GRID2: variants seen among roughly 807,000 people sequenced by gnomAD.
The protein encoded by GRID2 is glutamate ionotropic receptor delta type subunit 2, also known as glutamate receptor ionotropic, delta-2.
In GRID2, 33 loss-of-function variants were observed where a neutral mutation model predicts 114.8. The ratio of observed to expected loss-of-function variants is 0.29; its 90% CI spans 0.22 to 0.38. The LOEUF (loss-of-function observed/expected upper bound fraction) is 0.38. Ranked by LOEUF, GRID2 falls within the 10% of genes least tolerant of loss-of-function variation. The pLI is 1.00. For synonymous variants in GRID2, 505 were observed against 449.9 expected (o/e 1.12, Z -1.55); for missense variants, 1,184 against 1,257.7 (o/e 0.94, Z 0.89).
At chr4:93,264,549 C>A (rs913676143) in intron 8 of GRID2, among the ~76,000 whole-genome samples, 1 of 151,190 alleles carries the variant, frequency 6.6e-6, no homozygotes, top group African/African-American at 2.4e-5. Flanking sequence ...AGCACTTACA[C>A]GAAGACATGG....
chr4:93,767,574 G>T (rs561358426), intron 14 of GRID2, among the ~76,000 whole-genome samples: 20 of 152,290 alleles, frequency 1.3e-4, no homozygotes, highest in African/African-American at 4.8e-4. Flanking sequence ...CAGAGCTGAG[G>T]CTGTGGGAAC....
At chr4:92,890,421 A>G (rs952852847) in intron 2 of GRID2, among the ~76,000 whole-genome samples, 8 of 152,172 alleles carry the variant, frequency 5.3e-5, no homozygotes, top group African/African-American at 1.9e-4. Context: ...AATTTACAAG[A>G]AAAAACAACC....
chr4:93,358,883 G>A (rs1011495099), intron 8 of GRID2, among the ~76,000 whole-genome samples: 1 of 152,078 alleles, frequency 6.6e-6, no homozygotes, highest in Non-Finnish European at 1.5e-5. Context: ...AGGTTTTGAA[G>A]TCTGTTTTTA....
intron 8 of GRID2, among the ~76,000 whole-genome samples, chr4:93,265,368 A>G (rs1750706537): frequency 1.3e-5 from 2 of 152,196 alleles, no homozygotes; most frequent in African/African-American, 2.4e-5. Context: ...AATCTCATCA[A>G]TCTAACCAAG....
chr4:92,531,080 T>A (rs1445978575), intron 1 of GRID2, among the ~76,000 whole-genome samples: 1 of 152,158 alleles, frequency 6.6e-6, no homozygotes, highest in Non-Finnish European at 1.5e-5. Context: ...ATGCCTTGGA[T>A]TTTATTTAAA....
chr4:92,679,238 GT>G (rs962859274), intron 2 of GRID2, among the ~76,000 whole-genome samples: 5 of 152,012 alleles, frequency 3.3e-5, no homozygotes, highest in Admixed American at 2.6e-4. Flanking sequence ...ATTTTTGTTT[GT>G]CTTTAGTTCT....
At chr4:92,484,960 C>A (rs1053102386) in intron 1 of GRID2, among the ~76,000 whole-genome samples, 2 of 151,882 alleles carry the variant, frequency 1.3e-5, no homozygotes, top group Non-Finnish European at 2.9e-5. Flanking sequence ...TGGAAAACTT[C>A]ATGTAGCGAT....
chr4:92,870,602 A>G (rs1476196043), intron 2 of GRID2, among the ~76,000 whole-genome samples: 2 of 151,126 alleles, frequency 1.3e-5, no homozygotes, highest in Non-Finnish European at 3.0e-5. Context: ...AGAAATACAT[A>G]GTGAACAACA....
intron 2 of GRID2, among the ~76,000 whole-genome samples, chr4:92,934,799 A>G (rs905093920): frequency 6.8e-6 from 1 of 147,028 alleles, no homozygotes; most frequent in African/African-American, 2.4e-5. Context: ...AGGATTCCCT[A>G]TTTAATAAAT....
chr4:93,792,952 C>G (rs1734724510), intron 1 of GRID2, among the ~76,000 whole-genome samples: 1 of 152,166 alleles, frequency 6.6e-6, no homozygotes, highest in African/African-American at 2.4e-5. Flanking sequence ...ACAGATTTTT[C>G]CCACCTCTTC....
At chr4:92,407,157 G>C (rs1344355430) in intron 1 of GRID2, among the ~76,000 whole-genome samples, 1 of 152,004 alleles carries the variant, frequency 6.6e-6, no homozygotes, top group Non-Finnish European at 1.5e-5. Context: ...TCTATCACGA[G>C]AACAGCATGG....
At chr4:92,562,623 T>C (rs928855338) in intron 1 of GRID2, among the ~76,000 whole-genome samples, 10 of 152,152 alleles carry the variant, frequency 6.6e-5, no homozygotes, top group African/African-American at 2.2e-4. Context: ...CTATGTCTCC[T>C]GTGCCCGGTA....
chr4:93,502,458 T>A (rs968638714), intron 12 of GRID2, among the ~76,000 whole-genome samples: 3 of 151,804 alleles, frequency 2.0e-5, no homozygotes, highest in African/African-American at 4.9e-5. Context: ...TATCTTAAGT[T>A]GAAAGGCAAA....
chr4:93,090,433 C>T (rs1010400827), intron 3 of GRID2, among the ~76,000 whole-genome samples: 2 of 152,172 alleles, frequency 1.3e-5, no homozygotes, highest in African/African-American at 4.8e-5. Flanking sequence ...TAGGCAAAAC[C>T]TATCACCTAT....
chr4:93,228,300 A>T (rs1308307134), intron 7 of GRID2, among the ~76,000 whole-genome samples: 1 of 152,156 alleles, frequency 6.6e-6, no homozygotes, highest in Non-Finnish European at 1.5e-5. Context: ...AAGCAAGCGC[A>T]TGAGACAGAG....
At chr4:93,243,528 C>T (rs1336756108) in intron 8 of GRID2, among the ~76,000 whole-genome samples, 2 of 152,032 alleles carry the variant, frequency 1.3e-5, no homozygotes, top group Non-Finnish European at 2.9e-5. Context: ...TATACAAAGA[C>T]TGCAGCCTTA....
intron 2 of GRID2, among the ~76,000 whole-genome samples, chr4:92,726,715 G>T (rs1736085657): frequency 6.6e-6 from 1 of 152,078 alleles, no homozygotes; most frequent in Non-Finnish European, 1.5e-5. Context: ...TTTTGATAAA[G>T]TTACTAAAGC....
intron 13 of GRID2, among the ~76,000 whole-genome samples, chr4:93,615,281 A>G (rs73841809): frequency 0.025 from 3,817 of 152,276 alleles, 157 homozygotes; most frequent in African/African-American, 0.086. Flanking sequence ...TCATCATATA[A>G]GCTAAATATA....
intron 1 of GRID2, among the ~76,000 whole-genome samples, chr4:92,344,174 G>T (rs1168581822): frequency 1.3e-5 from 2 of 152,144 alleles, no homozygotes; most frequent in African/African-American, 4.8e-5. Flanking sequence ...ATGCTAAGAT[G>T]AAGCCAGGCG....
Sources: allele counts gnomAD v4.1 joint callset (sites outside exome capture counted in the v4.1 genomes callset), GRCh38; gene constraint gnomAD v4.1.1; transcripts MANE v1.5; gene names NCBI Gene and HGNC (gene_info 2026-07-23, HGNC 2026-07-21).